The following TASP1 variants were observed in gnomAD, a reference collection of about 807,000 sequenced individuals.
The protein encoded by TASP1 is threonine aspartase 1.
Under a neutral mutation model 56.6 loss-of-function variants are expected in TASP1, and 16 were observed. The ratio of observed to expected loss-of-function variants is 0.28; its 90% CI spans 0.19 to 0.43. The LOEUF is 0.43. Among genes scored for constraint, TASP1 ranks in the 20% least tolerant of loss-of-function variants. The pLI is 1.00. For missense variants in TASP1, 393 were observed against 511.6 expected, an observed-to-expected ratio of 0.77 and a Z score of 2.24; for synonymous variants, 179 against 184.2, an observed-to-expected ratio of 0.97 and a Z score of 0.23.
the TASP1 span, among the ~76,000 whole-genome samples, chr20:13,188,674 T>C: frequency 6.6e-6 from 1 of 152,098 alleles, no homozygotes; most frequent in Non-Finnish European, 1.5e-5. Context: ...TCCACAGAAA[T>C]AGAAAGAACA....
intron 1 of TASP1, among the ~76,000 whole-genome samples, chr20:13,636,688 C>T (rs1199991557): frequency 2.6e-5 from 4 of 151,986 alleles, no homozygotes; most frequent in Non-Finnish European, 5.9e-5. Flanking sequence ...TACAGAAAAA[C>T]GGTTAAGAAA....
At chr20:13,280,029 G>C in the TASP1 span, 1 of 853,404 alleles carries the variant, frequency 1.2e-6, no homozygotes, top group Non-Finnish European at 1.8e-6. Flanking sequence ...ACCTCACAAA[G>C]GCTGTCTTCC....
At chr20:13,442,934 T>C (rs903684281) in intron 11 of TASP1, among the ~76,000 whole-genome samples, 2 of 152,224 alleles carry the variant, frequency 1.3e-5, no homozygotes, top group Non-Finnish European at 1.5e-5. Context: ...CTATGTGTTA[T>C]TAAGATATAA....
the TASP1 span, among the ~76,000 whole-genome samples, chr20:13,179,118 A>G: frequency 2.6e-5 from 4 of 152,198 alleles, no homozygotes; most frequent in African/African-American, 4.8e-5. Context: ...TGAATTGAGG[A>G]TACTACAAAG....
At chr20:13,520,714 C>T (rs918752152) in intron 10 of TASP1, among the ~76,000 whole-genome samples, 1 of 152,116 alleles carries the variant, frequency 6.6e-6, no homozygotes, top group African/African-American at 2.4e-5. Flanking sequence ...TAGGCAAGGG[C>T]AAGGACTTCA....
chr20:13,410,906 A>T (rs1213119112), intron 13 of TASP1, among the ~76,000 whole-genome samples: 1 of 152,026 alleles, frequency 6.6e-6, no homozygotes, highest in Non-Finnish European at 1.5e-5. Context: ...CTTTGCCTAA[A>T]CCAATGTCCT....
At chr20:13,351,742 G>A in the TASP1 span, among the ~76,000 whole-genome samples, 6 of 152,056 alleles carry the variant, frequency 3.9e-5, no homozygotes, top group Admixed American at 3.9e-4. Flanking sequence ...GTAGCATACT[G>A]TATACACATG....
At chr20:13,207,578 A>C in the TASP1 span, among the ~76,000 whole-genome samples, 1 of 152,212 alleles carries the variant, frequency 6.6e-6, no homozygotes, top group Non-Finnish European at 1.5e-5. Flanking sequence ...AGAACTGGAG[A>C]GCTGATGGTG....
chr20:13,461,644 G>A (rs543319829), intron 11 of TASP1, among the ~76,000 whole-genome samples: 6 of 152,236 alleles, frequency 3.9e-5, no homozygotes. Flanking sequence ...GTTATGGACT[G>A]TATGTAAACA....
At chr20:13,268,336 TC>T in the TASP1 span, among the ~76,000 whole-genome samples, 1 of 146,640 alleles carries the variant, frequency 6.8e-6, no homozygotes, top group African/African-American at 2.5e-5. Flanking sequence ...TTTCTCCTTC[TC>T]CTTCTTCTTC....
the TASP1 span, among the ~76,000 whole-genome samples, chr20:13,324,358 G>A: frequency 6.6e-6 from 1 of 152,202 alleles, no homozygotes; most frequent in Non-Finnish European, 1.5e-5. Flanking sequence ...CTAAATGTGA[G>A]GTGTGTTTTT....
the TASP1 span, among the ~76,000 whole-genome samples, chr20:13,356,434 C>T: frequency 3.9e-5 from 6 of 152,348 alleles, no homozygotes; most frequent in East Asian, 1.2e-3. Context: ...AGCCCAGCCT[C>T]ATAACTTACC....
intron 12 of TASP1, among the ~76,000 whole-genome samples, chr20:13,420,891 A>G: frequency 6.6e-6 from 1 of 152,184 alleles, no homozygotes. Flanking sequence ...TCTACTCAGT[A>G]TAGATAAGGA....
the TASP1 span, chr20:13,288,695 T>C: frequency 6.2e-7 from 1 of 1,609,694 alleles, no homozygotes; most frequent in South Asian, 1.1e-5. Flanking sequence ...TGCGTTTACC[T>C]GAGTGTGTAG....
At chr20:13,189,140 CTCAA>C in the TASP1 span, among the ~76,000 whole-genome samples, 1 of 152,178 alleles carries the variant, frequency 6.6e-6, no homozygotes, top group Non-Finnish European at 1.5e-5. Context: ...TCGCTTATTG[CTCAA>C]TCAAACTCCT....
the TASP1 span, among the ~76,000 whole-genome samples, chr20:13,372,690 T>A: frequency 2.0e-5 from 3 of 152,072 alleles, no homozygotes; most frequent in Non-Finnish European, 2.9e-5. Context: ...GTCTCATGTG[T>A]CTATTGTGTT....
chr20:13,117,569 C>A, the TASP1 span: 1 of 1,613,812 alleles, frequency 6.2e-7, no homozygotes, highest in Non-Finnish European at 8.5e-7. Context: ...ACAAGGCTTA[C>A]CTCTACATAG....
At chr20:13,354,624 C>T in the TASP1 span, among the ~76,000 whole-genome samples, 3 of 151,974 alleles carry the variant, frequency 2.0e-5, no homozygotes, top group Non-Finnish European at 4.4e-5. Flanking sequence ...CTTAGGAAAC[C>T]ATTAAAGAAC....
At chr20:13,199,394 C>T in the TASP1 span, among the ~76,000 whole-genome samples, 2 of 152,074 alleles carry the variant, frequency 1.3e-5, no homozygotes, top group African/African-American at 2.4e-5. Flanking sequence ...CTCTTTCCGT[C>T]CTCCTTCCCT....
Sources: gnomAD v4.1 joint callset for allele counts (sites outside exome capture counted in the v4.1 genomes callset) on GRCh38, gnomAD v4.1.1 for gene constraint, MANE v1.5 for transcripts, NCBI Gene and HGNC (gene_info 2026-07-23, HGNC 2026-07-21) for gene names.